HSD17B12: variants seen among roughly 807,000 people sequenced by gnomAD.
HSD17B12 encodes hydroxysteroid 17-beta dehydrogenase 12, also known as very-long-chain 3-oxoacyl-CoA reductase.
A neutral mutation model predicts 39.3 loss-of-function variants in HSD17B12; 32 were observed. The observed-to-expected ratio is 0.81, with a 90% confidence interval of 0.61 to 1.09. The LOEUF (loss-of-function observed/expected upper bound fraction) is 1.09, where lower values mean the gene tolerates loss of function less well. HSD17B12 is among the 50% of genes least tolerant of loss of function. The pLI, the probability that HSD17B12 is intolerant of heterozygous loss-of-function variation, is 0.00. For missense variants in HSD17B12, 342 were observed against 382.9 expected, an observed-to-expected ratio of 0.89 and a Z score of 0.89; for synonymous variants, 150 against 146.7, an observed-to-expected ratio of 1.02 and a Z score of -0.16.
At chr11:43,779,614 ACT>A (rs1281920369) in intron 3 of HSD17B12, among the ~76,000 whole-genome samples, 1 of 152,118 alleles carries the variant, frequency 6.6e-6, no homozygotes, top group Admixed American at 6.6e-5. Context: ...GTGATTGAAG[ACT>A]CTGTGTTCCA....
chr11:43,822,961 G>A (rs139737078), intron 6 of HSD17B12, among the ~76,000 whole-genome samples: 95 of 152,266 alleles, frequency 6.2e-4, no homozygotes, highest in Middle Eastern at 3.4e-3. Context: ...GTGTGGAAGA[G>A]CATCTCAAGC....
intron 6 of HSD17B12, among the ~76,000 whole-genome samples, chr11:43,826,963 T>C (rs1951248918): frequency 6.6e-6 from 1 of 152,270 alleles, no homozygotes; most frequent in Admixed American, 6.5e-5. Flanking sequence ...TGTTAATGAT[T>C]ACAGTTGAAA....
chr11:43,762,838 T>A (rs1452725662), intron 3 of HSD17B12, among the ~76,000 whole-genome samples: 1 of 152,228 alleles, frequency 6.6e-6, no homozygotes, highest in Non-Finnish European at 1.5e-5. Context: ...TTGCATAGAA[T>A]CATGAATATG....
At chr11:43,706,099 G>A (rs1426408954) in intron 1 of HSD17B12, among the ~76,000 whole-genome samples, 1 of 152,140 alleles carries the variant, frequency 6.6e-6, no homozygotes, top group African/African-American at 2.4e-5. Flanking sequence ...CCCTGGTGGG[G>A]TGGGGGTGTG....
chr11:43,671,481 C>T, the HSD17B12 span, among the ~76,000 whole-genome samples: 44 of 152,176 alleles, frequency 2.9e-4, no homozygotes, highest in African/African-American at 1.0e-3. Flanking sequence ...GCACCTGGCC[C>T]CTTTCACACG....
chr11:43,855,319 G>T lies in HSD17B12; in HGVS notation c.*71G>T. On this transcript the variant is annotated 3_prime_UTR_variant, in exon 11 of 11. Transcript: ENST00000278353. ...CACGTTCACTGCAAAGCACCCTACTGGTTTTGAAAATCTGACCTTGTCATT... is the reference window on the plus strand; with the variant it reads ...CACGTTCACTGCAAAGCACCCTACTTGTTTTGAAAATCTGACCTTGTCATT... 1.2e-6 allele frequency: 1 copy of T among 827,138 alleles called. No individual in the cohort carries two copies. The highest frequency in any genetic ancestry group is 1.9e-6 in the Non-Finnish European group (1 of 536,194). 51.2% of individuals were successfully genotyped at this position (827,138 alleles called of 1,614,324 possible). A position where few individuals can be genotyped will look rare whatever the true frequency, so the allele number is the denominator to read the frequency against.
At chr11:43,829,038 A>C (rs1236356431) in intron 6 of HSD17B12, among the ~76,000 whole-genome samples, 3 of 152,250 alleles carry the variant, frequency 2.0e-5, no homozygotes, top group African/African-American at 7.2e-5. Flanking sequence ...TGCAGATTTC[A>C]GGTTAAGTTT....
the HSD17B12 span, among the ~76,000 whole-genome samples, chr11:43,580,381 C>T: frequency 2.4e-4 from 2 of 8,256 alleles, no homozygotes; most frequent in Non-Finnish European, 6.4e-4. Flanking sequence ...GAGTTGGGGG[C>T]GGGGGGGTGG....
At chr11:43,724,324 T>G (rs1950202203) in intron 1 of HSD17B12, among the ~76,000 whole-genome samples, 1 of 151,288 alleles carries the variant, frequency 6.6e-6, no homozygotes, top group African/African-American at 2.4e-5. Flanking sequence ...ATAAAAAAAA[T>G]AGCTGCCTAA....
intron 3 of HSD17B12, among the ~76,000 whole-genome samples, chr11:43,795,952 G>C (rs1950912517): frequency 6.6e-6 from 1 of 152,102 alleles, no homozygotes; most frequent in African/African-American, 2.4e-5. Flanking sequence ...GGCAAGGCAG[G>C]CTTCTCTGAG....
At chr11:43,846,528 G>A (rs369796934) in intron 9 of HSD17B12, among the ~76,000 whole-genome samples, 51 of 152,282 alleles carry the variant, frequency 3.3e-4, no homozygotes, top group African/African-American at 1.2e-3. Flanking sequence ...GCCAGGTGTG[G>A]TGGTGCATGC....
chr11:43,816,314 AGT>A, intron 5 of HSD17B12, 31 bp from the exon 6 acceptor site: 1 of 1,435,120 alleles, frequency 7.0e-7, no homozygotes, highest in South Asian at 1.3e-5. Flanking sequence ...TTCATGATCA[AGT>A]GTATATAAAA....
At chr11:43,756,217 CT>C (rs112904023) in intron 3 of HSD17B12, among the ~76,000 whole-genome samples, 2,994 of 144,916 alleles carry the variant, frequency 0.021, 61 homozygotes, top group East Asian at 0.047. Flanking sequence ...TATGTTATAT[CT>C]TTTTTTTTTT....
At chr11:43,843,925 TGGTAAACG>T (rs1024927110) in intron 9 of HSD17B12, among the ~76,000 whole-genome samples, 1 of 152,194 alleles carries the variant, frequency 6.6e-6, no homozygotes, top group African/African-American at 2.4e-5. Context: ...TTGTTGTTTG[TGGTAAACG>T]GGAGACCCAC....
chr11:43,799,243 A>C (rs966450812), intron 4 of HSD17B12, among the ~76,000 whole-genome samples: 1 of 152,132 alleles, frequency 6.6e-6, no homozygotes, highest in African/African-American at 2.4e-5. Context: ...TTTATAAAAA[A>C]AAATACAAAT....
the HSD17B12 span, among the ~76,000 whole-genome samples, chr11:43,582,977 C>G: frequency 6.6e-6 from 1 of 152,312 alleles, no homozygotes; most frequent in South Asian, 2.1e-4. Context: ...CACCTGGGGC[C>G]GTCTGTGGAG....
chr11:43,735,647 C>G (rs898629183), intron 1 of HSD17B12, among the ~76,000 whole-genome samples: 1 of 151,914 alleles, frequency 6.6e-6, no homozygotes. Flanking sequence ...GATAATAAAC[C>G]TTTATTATAT....
chr11:43,647,667 CTTTA>C, the HSD17B12 span, among the ~76,000 whole-genome samples: 35 of 152,150 alleles, frequency 2.3e-4, no homozygotes, highest in African/African-American at 7.9e-4. Flanking sequence ...CGAATTTGAT[CTTTA>C]TTTTTCATTA....
chr11:43,850,929 C>T (rs1951524760), intron 9 of HSD17B12, among the ~76,000 whole-genome samples: 1 of 152,054 alleles, frequency 6.6e-6, no homozygotes, highest in Non-Finnish European at 1.5e-5. Flanking sequence ...GGCGTGGTGG[C>T]AGGCGCCTGT....
Sources: gnomAD v4.1 joint callset for allele counts (sites outside exome capture counted in the v4.1 genomes callset) on GRCh38, gnomAD v4.1.1 for gene constraint, MANE v1.5 for transcripts, NCBI Gene and HGNC (gene_info 2026-07-23, HGNC 2026-07-21) for gene names.